Variants in KMT2C observed in about 807,000 individuals in gnomAD.
The protein encoded by KMT2C is histone-lysine N-methyltransferase 2C.
Under a neutral mutation model 507.9 loss-of-function variants are expected in KMT2C, and 88 were observed. That is an observed-to-expected ratio of 0.17 (90% CI 0.15 to 0.21). The LOEUF is 0.21. KMT2C is among the 10% of genes least tolerant of loss of function. The probability of loss-of-function intolerance (pLI) is 1.00; values close to 1 mark genes in which losing one functional copy is unlikely to be tolerated. For synonymous variants in KMT2C, 2,049 were observed against 2,080.8 expected, an observed-to-expected ratio of 0.98 and a Z score of 0.42; for missense variants, 4,954 against 5,957.8, an observed-to-expected ratio of 0.83 and a Z score of 5.55.
chr7:152,324,023 C>A (rs1215973506), intron 3 of KMT2C, among the ~76,000 whole-genome samples: 1 of 151,642 alleles, frequency 6.6e-6, no homozygotes, highest in Non-Finnish European at 1.5e-5. Context: ...TAACCAGACA[C>A]TCGGAGAAGG....
intron 1 of KMT2C, among the ~76,000 whole-genome samples, chr7:152,377,734 CAAAAAAA>C (rs59181675): frequency 1.7e-3 from 105 of 62,624 alleles, no homozygotes; most frequent in African/African-American, 4.6e-3. Context: ...GACTCCGTCT[CAAAAAAA>C]AAAAAAAAAA....
intron 31 of KMT2C, among the ~76,000 whole-genome samples, chr7:152,188,575 C>T (rs1355651070): frequency 9.1e-6 from 1 of 110,280 alleles, no homozygotes; most frequent in Non-Finnish European, 1.9e-5. Flanking sequence ...CTCTTAATAC[C>T]AAAAAAAAAA....
At chr7:152,419,384 A>C (rs2097765547) in intron 1 of KMT2C, among the ~76,000 whole-genome samples, 1 of 152,142 alleles carries the variant, frequency 6.6e-6, no homozygotes, top group Non-Finnish European at 1.5e-5. Flanking sequence ...AAACATTTAC[A>C]TTTATAACAA....
chr7:152,404,734 A>G (rs143155760), intron 1 of KMT2C, among the ~76,000 whole-genome samples: 1,285 of 129,694 alleles, frequency 9.9e-3, no homozygotes, highest in African/African-American at 0.023. Context: ...AGTAAAATGT[A>G]ACCAAAAATT....
At chr7:152,159,186 ATAAG>A (rs1329564178) in intron 43 of KMT2C, 114 bp from the exon 44 acceptor site, 4 of 829,934 alleles carry the variant, frequency 4.8e-6, no homozygotes, top group Non-Finnish European at 7.8e-6. Context: ...AAGGTATTAA[ATAAG>A]TAGGGAAGAT....
chr7:152,221,560 C>T (rs528197785), intron 22 of KMT2C, among the ~76,000 whole-genome samples: 1 of 152,252 alleles, frequency 6.6e-6, no homozygotes, highest in East Asian at 1.9e-4. Flanking sequence ...ATTTTTGTAT[C>T]AGGTGCTATT....
At chr7:152,166,406 A>T (rs1185845510) in intron 42 of KMT2C, among the ~76,000 whole-genome samples, 1 of 152,040 alleles carries the variant, frequency 6.6e-6, no homozygotes, top group Non-Finnish European at 1.5e-5. Flanking sequence ...ACAGGTATGA[A>T]CCACCACGCC....
At chr7:152,368,518 T>C (rs2097265791) in intron 1 of KMT2C, 3 of 1,349,452 alleles carry the variant, frequency 2.2e-6, no homozygotes, top group South Asian at 2.5e-5. Context: ...GAAAAAGAAT[T>C]TGGAAGCACA....
chr7:152,351,620 C>T (rs1173716694), intron 2 of KMT2C, among the ~76,000 whole-genome samples: 6 of 152,110 alleles, frequency 3.9e-5, no homozygotes, highest in African/African-American at 9.7e-5. Context: ...ACTGAGGGAC[C>T]GGCTGAAGCC....
chr7:152,365,126 A>T (rs2129237425), intron 1 of KMT2C, among the ~76,000 whole-genome samples: 1 of 152,318 alleles, frequency 6.6e-6, no homozygotes, highest in South Asian at 2.1e-4. Context: ...AGAAGACAGT[A>T]AAAAACATAT....
chr7:152,347,615 ATAC>A (rs1179512972), intron 2 of KMT2C, among the ~76,000 whole-genome samples: 6 of 152,220 alleles, frequency 3.9e-5, no homozygotes, highest in Admixed American at 6.5e-5. Flanking sequence ...TTATTATTTA[ATAC>A]TACATCTTTA....
chr7:152,426,666 C>A (rs1014194494), intron 1 of KMT2C, among the ~76,000 whole-genome samples: 1 of 152,184 alleles, frequency 6.6e-6, no homozygotes, highest in Admixed American at 6.5e-5. Context: ...TAAATCCTTA[C>A]AACAGCACCT....
At chr7:152,215,690 C>T (rs1397318880) in intron 23 of KMT2C, among the ~76,000 whole-genome samples, 1,525 of 130,848 alleles carry the variant, frequency 0.012, 67 homozygotes, top group African/African-American at 0.05. Flanking sequence ...TATATATATA[C>T]ACACACACAT....
chr7:152,209,454 CAAAAAAAA>C (rs71198766), intron 23 of KMT2C, among the ~76,000 whole-genome samples: 2 of 70,932 alleles, frequency 2.8e-5, no homozygotes, highest in African/African-American at 4.8e-5. Context: ...GACTCCGTCT[CAAAAAAAA>C]AAAAAAAAAA....
intron 23 of KMT2C, among the ~76,000 whole-genome samples, chr7:152,217,931 A>AT (rs976649053): frequency 1.4e-4 from 22 of 152,162 alleles, no homozygotes; most frequent in Non-Finnish European, 2.4e-4. Flanking sequence ...TTTTTCAGAC[A>AT]TTTTTTAACA....
At chr7:152,326,797 C>T (rs1045586584) in intron 3 of KMT2C, among the ~76,000 whole-genome samples, 11 of 152,278 alleles carry the variant, frequency 7.2e-5, no homozygotes, top group African/African-American at 1.4e-4. Flanking sequence ...AGGAGAATCG[C>T]GCGAACCCGG....
chr7:152,143,785 T>TGAG (rs2090838405), intron 55 of KMT2C, among the ~76,000 whole-genome samples: 1 of 152,060 alleles, frequency 6.6e-6, no homozygotes, highest in Non-Finnish European at 1.5e-5. Context: ...AAACTTCTAG[T>TGAG]GAGGAGTAAA....
chr7:152,325,700 C>A (rs999125912), intron 3 of KMT2C, among the ~76,000 whole-genome samples: 2 of 152,104 alleles, frequency 1.3e-5, no homozygotes, highest in Non-Finnish European at 2.9e-5. Context: ...CCTGCCTCAA[C>A]CTCCCAAAGT....
intron 2 of KMT2C, among the ~76,000 whole-genome samples, chr7:152,335,815 G>C (rs550685993): frequency 4.6e-5 from 7 of 152,234 alleles, no homozygotes; most frequent in South Asian, 2.1e-4. Context: ...AAACGTTAAT[G>C]TTACTGGTTG....
Sources: allele counts gnomAD v4.1 joint callset (sites outside exome capture counted in the v4.1 genomes callset), GRCh38; gene constraint gnomAD v4.1.1; transcripts MANE v1.5; gene names NCBI Gene and HGNC (gene_info 2026-07-23, HGNC 2026-07-21).